The following NAALADL2 variants were observed in gnomAD, a reference collection of about 807,000 sequenced individuals.
NAALADL2 encodes N-acetylated alpha-linked acidic dipeptidase like 2.
In NAALADL2, 76 loss-of-function variants were observed where a neutral mutation model predicts 87.2. That is an observed-to-expected ratio of 0.87 (90% CI 0.72 to 1.05). NAALADL2 has a LOEUF of 1.05. Ranked by LOEUF, NAALADL2 falls within the 50% of genes least tolerant of loss-of-function variation. The probability of loss-of-function intolerance (pLI) is 0.00; values close to 1 mark genes in which losing one functional copy is unlikely to be tolerated. For missense variants in NAALADL2, 1,089 were observed against 945.8 expected (o/e 1.15, Z -1.99); for synonymous variants, 354 against 331.0 (o/e 1.07, Z -0.75).
chr3:175,025,968 C>G (rs569042525), intron 1 of NAALADL2, among the ~76,000 whole-genome samples: 2 of 152,010 alleles, frequency 1.3e-5, no homozygotes, highest in Non-Finnish European at 2.9e-5. Flanking sequence ...TACCACTATA[C>G]CCAGAGAATT....
chr3:175,602,148 A>C (rs1270817323), intron 10 of NAALADL2, among the ~76,000 whole-genome samples: 1 of 152,168 alleles, frequency 6.6e-6, no homozygotes, highest in Non-Finnish European at 1.5e-5. Context: ...AAGTCTTCTT[A>C]TCTACGTATT....
intron 5 of NAALADL2, among the ~76,000 whole-genome samples, chr3:175,416,277 T>G (rs1376279231): frequency 6.6e-6 from 1 of 152,160 alleles, no homozygotes; most frequent in Admixed American, 6.6e-5. Flanking sequence ...TATTGTAATA[T>G]TTACAGTGTT....
intron 10 of NAALADL2, among the ~76,000 whole-genome samples, chr3:175,616,534 T>C (rs1725376353): frequency 6.6e-6 from 1 of 152,072 alleles, no homozygotes; most frequent in African/African-American, 2.4e-5. Flanking sequence ...TAGTACAATG[T>C]AGGAACTCTG....
intron 4 of NAALADL2, among the ~76,000 whole-genome samples, chr3:175,266,942 C>G (rs1581190512): frequency 6.6e-6 from 1 of 151,428 alleles, no homozygotes; most frequent in Admixed American, 6.6e-5. Flanking sequence ...TGATACTTTG[C>G]TTTGTCTTAC....
At chr3:174,869,973 G>T (rs1415303526) in intron 1 of NAALADL2, among the ~76,000 whole-genome samples, 1 of 133,290 alleles carries the variant, frequency 7.5e-6, no homozygotes, top group East Asian at 2.2e-4. Flanking sequence ...CCCATCCTGG[G>T]CAACAAGAGC....
chr3:175,702,145 A>G (rs1259228358), intron 11 of NAALADL2, among the ~76,000 whole-genome samples: 1 of 152,170 alleles, frequency 6.6e-6, no homozygotes, highest in African/African-American at 2.4e-5. Flanking sequence ...GCGTTATAAA[A>G]TGGCACTCAA....
intron 5 of NAALADL2, among the ~76,000 whole-genome samples, chr3:175,421,791 A>G (rs1715745705): frequency 6.6e-6 from 1 of 152,098 alleles, no homozygotes; most frequent in African/African-American, 2.4e-5. Flanking sequence ...GGAGGGTGTT[A>G]TATATGCTAC....
chr3:174,720,467 T>C (rs1731605925), intron 2 of NAALADL2, among the ~76,000 whole-genome samples: 1 of 152,144 alleles, frequency 6.6e-6, no homozygotes, highest in African/African-American at 2.4e-5. Context: ...CAGATATGAA[T>C]ATAAAAACAA....
chr3:175,744,108 A>G, intron 12 of NAALADL2, among the ~76,000 whole-genome samples: 1 of 152,242 alleles, frequency 6.6e-6, no homozygotes, highest in Non-Finnish European at 1.5e-5. Context: ...TTTCAACTAA[A>G]GCAAGAAGGG....
At chr3:174,637,785 A>G (rs940942275) in intron 2 of NAALADL2, among the ~76,000 whole-genome samples, 43 of 152,136 alleles carry the variant, frequency 2.8e-4, no homozygotes, top group African/African-American at 8.9e-4. Context: ...AGAAAAATAC[A>G]CATGTATATC....
At position 175,303,573 on chromosome 3, in the gene NAALADL2, T is replaced by C. The variant is rs78749818; in HGVS notation, c.940-20602T>C. 8.7e-4 allele frequency among the ~76,000 whole-genome samples: 133 copies of C among 152,328 alleles called. 3 individuals are homozygous for C. The East Asian group carries it at 0.022, about 25-fold the overall frequency. On this transcript the variant is annotated intron_variant, in intron 4 of 13. Coordinates refer to ENST00000454872, the MANE Select transcript of NAALADL2 (RefSeq NM_207015.3). ...TCCATATTAGATAACCTCATGGTTATATATTAGTTTCTTTTTAAGATTTTG... is the reference window on the plus strand; with the variant it reads ...TCCATATTAGATAACCTCATGGTTACATATTAGTTTCTTTTTAAGATTTTG...
chr3:175,664,206 G>A lies in NAALADL2; in HGVS notation c.1896+36820G>A, dbSNP rs377565202. Among the ~76,000 whole-genome samples the A allele has an allele frequency of 9.9e-5, 15 of 152,132 alleles. No individual in the cohort carries two copies. In the South Asian group the frequency reaches 2.3e-3, roughly 23 times the overall value. On this transcript the variant is annotated intron_variant, in intron 11 of 13. Coordinates refer to ENST00000454872, the MANE Select transcript of NAALADL2 (RefSeq NM_207015.3). ...TACATCAGTGTGCTAGATTTAAATAGTCTAGCCTAGTAGAGGTATAGAACT... is the reference window on the plus strand; with the variant it reads ...TACATCAGTGTGCTAGATTTAAATAATCTAGCCTAGTAGAGGTATAGAACT...
chr3:175,627,305 C>T lies in NAALADL2; in HGVS notation c.1815C>T (p.Leu605=), dbSNP rs1038226296. 2 of 1,565,750 alleles carry T rather than the reference C, an allele frequency of 1.3e-6. No individual in the cohort carries two copies. The highest frequency in any genetic ancestry group is 1.7e-6 in the Non-Finnish European group (2 of 1,152,872). The change falls in exon 11 of 14, where the codon CTC becomes CTT. Residue 605 remains leucine (L), a synonymous_variant. Transcript: ENST00000454872. The part of the protein sequence containing the change: ...DIKTLEGPSF[L]SEARFSTRAT... ...ATTTGCCGCAGGGTCCAAGTTTTCT[C>T]TCCGAGGCCCGTTTTTCTACACGAG...
intron 1 of NAALADL2, among the ~76,000 whole-genome samples, chr3:174,536,469 C>A (rs1721733971): frequency 6.6e-6 from 1 of 152,108 alleles, no homozygotes; most frequent in African/African-American, 2.4e-5. Flanking sequence ...CATCACCTCC[C>A]CTATTCTGTA....
chr3:174,519,182 G>A (rs1356449801), intron 1 of NAALADL2, among the ~76,000 whole-genome samples: 6 of 152,064 alleles, frequency 3.9e-5, no homozygotes, highest in African/African-American at 1.2e-4. Context: ...CAGATTTTAT[G>A]TTCTTAAACA....
At chr3:175,462,919 A>G (rs1329319625) in intron 6 of NAALADL2, among the ~76,000 whole-genome samples, 1 of 152,210 alleles carries the variant, frequency 6.6e-6, no homozygotes, top group Non-Finnish European at 1.5e-5. Flanking sequence ...ATGTTGTATA[A>G]TGCTTTATTT....
intron 12 of NAALADL2, among the ~76,000 whole-genome samples, chr3:175,750,109 G>A (rs75447931): frequency 3.3e-5 from 5 of 152,176 alleles, no homozygotes; most frequent in Admixed American, 6.5e-5. Context: ...AAGACACTGA[G>A]CCTCAGAGGA....
chr3:175,026,708 C>T (rs1222896282), intron 1 of NAALADL2, among the ~76,000 whole-genome samples: 3 of 151,370 alleles, frequency 2.0e-5, no homozygotes, highest in African/African-American at 7.3e-5. Flanking sequence ...CTTCCTGCTA[C>T]AGATGAAAAA....
chr3:174,994,892 CAG>C (rs1747219549), intron 1 of NAALADL2, among the ~76,000 whole-genome samples: 1 of 152,054 alleles, frequency 6.6e-6, no homozygotes, highest in Admixed American at 6.6e-5. Context: ...CTGCTCTCTT[CAG>C]AGTTTCTTTG....
Sources: gnomAD v4.1 joint callset for allele counts (sites outside exome capture counted in the v4.1 genomes callset) on GRCh38, gnomAD v4.1.1 for gene constraint, MANE v1.5 for transcripts, NCBI Gene and HGNC (gene_info 2026-07-23, HGNC 2026-07-21) for gene names.